Variants in CACNA2D1 observed in about 807,000 individuals in gnomAD.
CACNA2D1 encodes the protein voltage-dependent calcium channel subunit alpha-2/delta-1.
Under a neutral mutation model 171.5 loss-of-function variants are expected in CACNA2D1, and 53 were observed. The ratio of observed to expected loss-of-function variants is 0.31; its 90% confidence interval spans 0.25 to 0.39. The LOEUF is 0.39. CACNA2D1 is among the 10% of genes least tolerant of loss of function. CACNA2D1 has a pLI of 1.00. For missense variants in CACNA2D1, 903 were observed against 1,299.8 expected (o/e 0.69, Z 4.69); for synonymous variants, 442 against 443.1 (o/e 1.00, Z 0.03).
At chr7:82,359,841 T>C (rs1030240923) in intron 1 of CACNA2D1, among the ~76,000 whole-genome samples, 22 of 152,192 alleles carry the variant, frequency 1.4e-4, no homozygotes, top group Admixed American at 8.5e-4. Flanking sequence ...GAACATACAG[T>C]GGCTACTTAA....
chr7:82,089,490 A>G (rs1276029409), intron 6 of CACNA2D1, among the ~76,000 whole-genome samples: 1 of 152,166 alleles, frequency 6.6e-6, no homozygotes, highest in Non-Finnish European at 1.5e-5. Flanking sequence ...CTTGACTTTG[A>G]GGCCTTTATT....
At chr7:82,112,039 G>A (rs796634385) in intron 6 of CACNA2D1, among the ~76,000 whole-genome samples, 5 of 151,964 alleles carry the variant, frequency 3.3e-5, no homozygotes, top group African/African-American at 1.2e-4. Context: ...TAATATTTCA[G>A]AAACAAAATC....
At chr7:82,066,557 C>A (rs757208781) in intron 7 of CACNA2D1, 33 bp from the exon 8 acceptor site, 65 of 1,559,138 alleles carry the variant, frequency 4.2e-5, no homozygotes, top group Middle Eastern at 1.9e-4. Context: ...GATATTAAAT[C>A]AAAATATTAG....
At chr7:82,214,203 A>T (rs1209663666) in intron 3 of CACNA2D1, among the ~76,000 whole-genome samples, 1 of 152,194 alleles carries the variant, frequency 6.6e-6, no homozygotes, top group African/African-American at 2.4e-5. Context: ...GTAAGAATTC[A>T]GTCCATTGCA....
At chr7:82,218,333 TCG>T (rs770896226) in intron 3 of CACNA2D1, among the ~76,000 whole-genome samples, 2 of 152,168 alleles carry the variant, frequency 1.3e-5, no homozygotes, top group Admixed American at 1.3e-4. Flanking sequence ...ATAAGGAGGC[TCG>T]CTCTCTTATT....
At chr7:82,304,035 T>C (rs1170039570) in intron 3 of CACNA2D1, among the ~76,000 whole-genome samples, 1 of 151,902 alleles carries the variant, frequency 6.6e-6, no homozygotes, top group Non-Finnish European at 1.5e-5. Flanking sequence ...GCAGAGGACA[T>C]GAATAGACAT....
Position 81,946,572 on chromosome 7 carries a change from T to A in CACNA2D1, c.*3820A>T, listed in dbSNP as rs1223294007. 1 of 152,178 alleles carries A rather than the reference T, an allele frequency of 6.6e-6. No homozygotes were observed. The allele number at this position is 152,178 out of a possible 1,614,324, so 9.4% of individuals were successfully genotyped here. On this transcript the variant is annotated 3_prime_UTR_variant, in exon 39 of 39. Coordinates refer to ENST00000356860, the MANE Select transcript of CACNA2D1 (RefSeq NM_000722.4). Reference sequence around the variant, plus strand: ...TTTTTACAAAATGTTTTTATCAGGCTAGGTAATTTTCACAAAAGTGTCAAG... The same window carrying A: ...TTTTTACAAAATGTTTTTATCAGGCAAGGTAATTTTCACAAAAGTGTCAAG...
chr7:82,235,636 C>G (rs555762059), intron 3 of CACNA2D1, among the ~76,000 whole-genome samples: 1 of 152,202 alleles, frequency 6.6e-6, no homozygotes, highest in African/African-American at 2.4e-5. Context: ...TTCTTAGACT[C>G]TTCTAATTTT....
intron 3 of CACNA2D1, among the ~76,000 whole-genome samples, chr7:82,256,851 T>G (rs2129324990): frequency 6.6e-6 from 1 of 152,294 alleles, no homozygotes; most frequent in East Asian, 1.9e-4. Context: ...TAAGATACAT[T>G]TCACAAAAGA....
intron 3 of CACNA2D1, among the ~76,000 whole-genome samples, chr7:82,192,570 G>T (rs1798442218): frequency 1.3e-5 from 2 of 148,956 alleles, no homozygotes; most frequent in African/African-American, 4.9e-5. Context: ...TGTGTATAAA[G>T]TAGAAAGATC....
chr7:82,420,715 A>G (rs1199237696), intron 1 of CACNA2D1, among the ~76,000 whole-genome samples: 2 of 152,196 alleles, frequency 1.3e-5, no homozygotes, highest in Non-Finnish European at 2.9e-5. Context: ...CATTATTTAT[A>G]AACAACAACT....
chr7:82,167,452 A>G (rs1795573147), intron 4 of CACNA2D1, among the ~76,000 whole-genome samples: 2 of 152,166 alleles, frequency 1.3e-5, no homozygotes, highest in Admixed American at 6.5e-5. Flanking sequence ...ACAAAAAAAA[A>G]GCTGAGAGGA....
chr7:82,171,344 G>A (rs1196105669), intron 3 of CACNA2D1, among the ~76,000 whole-genome samples: 2 of 151,806 alleles, frequency 1.3e-5, no homozygotes, highest in Admixed American at 6.6e-5. Context: ...ATAGCTTTTA[G>A]ACTTTTCTCT....
chr7:82,060,153 T>TTATACATATATATTA (rs1806466963), intron 10 of CACNA2D1, among the ~76,000 whole-genome samples: 1 of 39,852 alleles, frequency 2.5e-5, no homozygotes, highest in Non-Finnish European at 5.3e-5. Context: ...TATATATGTA[T>TTATACATATATATTA]TATATATATA....
chr7:82,337,632 C>G (rs780222347), intron 2 of CACNA2D1, among the ~76,000 whole-genome samples: 1 of 152,158 alleles, frequency 6.6e-6, no homozygotes. Context: ...ATTTCTTTCT[C>G]GAAGGAAAAA....
At chr7:81,988,107 G>T (rs1239137515) in intron 21 of CACNA2D1, among the ~76,000 whole-genome samples, 3 of 152,114 alleles carry the variant, frequency 2.0e-5, no homozygotes. Flanking sequence ...CATTGTAAGG[G>T]TCAAAAGAAC....
intron 25 of CACNA2D1, among the ~76,000 whole-genome samples, chr7:81,973,369 G>A (rs1795492338): frequency 2.0e-5 from 3 of 152,174 alleles, no homozygotes; most frequent in African/African-American, 2.4e-5. Flanking sequence ...CCCATGACAG[G>A]TTTTCAGAGT....
chr7:82,022,084 G>T (rs1379386898), intron 12 of CACNA2D1, among the ~76,000 whole-genome samples: 1 of 151,804 alleles, frequency 6.6e-6, no homozygotes, highest in African/African-American at 2.4e-5. Flanking sequence ...GATATTAAAA[G>T]GACTTTGTAA....
intron 4 of CACNA2D1, among the ~76,000 whole-genome samples, chr7:82,155,237 G>A (rs1794262426): frequency 6.6e-6 from 1 of 152,082 alleles, no homozygotes; most frequent in African/African-American, 2.4e-5. Context: ...AAATTATCCA[G>A]TATCAGGTAT....
Sources: allele counts gnomAD v4.1 joint callset (sites outside exome capture counted in the v4.1 genomes callset), GRCh38; gene constraint gnomAD v4.1.1; transcripts MANE v1.5; gene names NCBI Gene and HGNC (gene_info 2026-07-23, HGNC 2026-07-21).